Variants in PYCR2 observed in about 807,000 individuals in gnomAD.
The protein encoded by PYCR2 is P5C reductase 2.
Under a neutral mutation model 23.4 loss-of-function variants are expected in PYCR2, and 17 were observed. The observed-to-expected ratio is 0.73, with a 90% CI of 0.50 to 1.09. The LOEUF is 1.09. Ranked by LOEUF, PYCR2 falls within the 50% of genes least tolerant of loss-of-function variation. PYCR2 has a pLI of 0.00. For synonymous variants in PYCR2, 172 were observed against 176.6 expected (o/e 0.97, Z 0.21); for missense variants, 380 against 423.5 (o/e 0.90, Z 0.90).
chr1:225,923,121 G>A, intron 2 of PYCR2: 1 of 800,020 alleles, frequency 1.2e-6, no homozygotes, highest in Non-Finnish European at 1.5e-6. Context: ...CGTCTATTAA[G>A]AAAAATGGCT....
In PYCR2 at chr1:225,921,775, G is replaced by A. The variant is rs1001473368; in HGVS notation, c.540+83C>T. The A allele has an allele frequency of 2.6e-5, 41 of 1,586,530 alleles. No homozygotes were observed. The highest frequency in any genetic ancestry group is 1.9e-4 in the South Asian group (17 of 89,494). ...AGCCAGCTGTGCCCAAGAGGTGGGC[G>A]CCACCCCCAGTCCAAGCCTGCCTGC... On this transcript the variant is annotated intron_variant, in intron 4 of 6. Coordinates refer to ENST00000343818, the MANE Select transcript of PYCR2 (RefSeq NM_013328.4). The surrounding 1 kb of genome is among the most constrained non-coding windows in gnomAD (Gnocchi z 4.2).
Position 225,921,120 on chromosome 1 carries a change from C to G in PYCR2, c.797+88G>C, listed in dbSNP as rs1576146196. ...CAACACTGCTAAATGGGACCCAAGA[C>G]AGCAGGTTCCGCAAATGGTGCTCAA... On this transcript the variant is annotated intron_variant, in intron 6 of 6. Transcript: ENST00000343818. The surrounding 1 kb of genome is among the most constrained non-coding windows in gnomAD (Gnocchi z 4.2). 2 of 1,337,770 alleles carry G rather than the reference C, an allele frequency of 1.5e-6. No individual in the cohort carries two copies. The highest frequency in any genetic ancestry group is 4.6e-5 in the East Asian group (2 of 43,276). The allele number at this position is 1,337,770 out of a possible 1,614,324, so 82.9% of individuals were successfully genotyped here.
At position 225,920,380 on chromosome 1, in the gene PYCR2, C is replaced by A. The variant is rs950301059; in HGVS notation, c.*75G>T. The A allele has an allele frequency of 8.4e-7, 1 of 1,194,928 alleles. No individual in the cohort carries two copies. The highest frequency in any genetic ancestry group is 2.8e-5 in the African/African-American group (1 of 35,908). 74.0% of individuals were successfully genotyped at this position (1,194,928 alleles called of 1,614,324 possible). ...AGCTGAGGAGGGGCAATGGTGGGAG[C>A]GGGGCAGGGGGGTGGCAGGGGCGGC... On this transcript the variant is annotated 3_prime_UTR_variant, in exon 7 of 7. Coordinates refer to ENST00000343818, the MANE Select transcript of PYCR2 (RefSeq NM_013328.4).
Position 225,924,212 on chromosome 1 carries a change from C to A in PYCR2, c.-102G>T. The A allele has an allele frequency of 7.6e-7, 1 of 1,319,064 alleles. No individual in the cohort carries two copies. The highest frequency in any genetic ancestry group is 1.0e-6 in the Non-Finnish European group (1 of 984,450). The allele number at this position is 1,319,064 out of a possible 1,614,324, so 81.7% of individuals were successfully genotyped here. On this transcript the variant is annotated 5_prime_UTR_variant, in exon 1 of 7. Transcript: ENST00000343818. The stretch of plus-strand genomic sequence containing the variant: ...GGACAGCGCAGGGGCGAACGGGCGG[C>A]GTGCCGAGGACCGGCGAGCTAACAG...
In PYCR2 at chr1:225,921,566, C is replaced by A; in HGVS notation, c.619G>T (p.Ala207Ser). Residue 207 changes from alanine (A) to serine (S), a missense_variant, in exon 5 of 7, where the codon GCC becomes TCC. Coordinates refer to ENST00000343818, the MANE Select transcript of PYCR2 (RefSeq NM_013328.4). This position sits in a 1 kb window ranked among gnomAD's most constrained non-coding sequence, Gnocchi z 4.2. The part of the protein sequence containing the change: ...LPRRLAIQLG[A>S]QALLGAAKML... ...AAGATACTGACCAGCAAAGCCTGGG[C>A]CCCGAGTTGGATTGCCAGGCGCCGT... 1.9e-6 allele frequency: 3 copies of A among 1,614,196 alleles called. No individual in the cohort carries two copies.
intron 6 of PYCR2, 54 bp from the exon 7 acceptor site, chr1:225,920,674 A>G: frequency 1.3e-6 from 2 of 1,566,802 alleles, no homozygotes; most frequent in Middle Eastern, 3.4e-4. Flanking sequence ...CTGGGGCCAG[A>G]GCTTTGAGTC....
rs201700928 is a variant in PYCR2, at chr1:225,920,577, C to T, written c.841G>A (p.Ala281Thr). 4 of 1,612,692 alleles carry T rather than the reference C, an allele frequency of 2.5e-6. No individual in the cohort carries two copies. In the East Asian group the frequency reaches 8.9e-5, roughly 36 times the overall value. ...CTGTCTAAGAGGGTCTTCTTAAGGG[C>T]AGCTGGGGAGATCTTTTCTTGGTCG... ...MADQEKISPA[A>T]LKKTLLDRVK... The change falls in exon 7 of 7, where the codon GCC becomes ACC. Residue 281 changes from alanine to threonine, a missense_variant. Ala to Thr is a moderately conservative substitution (Grantham distance 58). Coordinates refer to ENST00000343818, the MANE Select transcript of PYCR2 (RefSeq NM_013328.4).
chr1:225,924,028 G>A lies in PYCR2; in HGVS notation c.67+16C>T. 1 of 1,536,728 alleles carries A rather than the reference G, an allele frequency of 6.5e-7. No homozygotes were observed. Among genetic ancestry groups the A allele is most frequent in the Non-Finnish European group, 8.7e-7 (1 of 1,144,356 alleles). ...GGGACCGCCCGCGAAGCCGCCTCCCGCCTCCACGCGCTTGCCTGCGGCCGT... is the reference window on the plus strand; with the variant it reads ...GGGACCGCCCGCGAAGCCGCCTCCCACCTCCACGCGCTTGCCTGCGGCCGT... On this transcript the variant is annotated intron_variant, in intron 1 of 6. Transcript: ENST00000343818.
At position 225,920,275 on chromosome 1, in the gene PYCR2, G is replaced by A. The variant is rs560344417; in HGVS notation, c.*180C>T. The A allele has an allele frequency of 1.6e-5, 8 of 485,130 alleles. No homozygotes were observed. The highest frequency in any genetic ancestry group is 1.1e-4 in the East Asian group (3 of 27,182). 30.1% of individuals were successfully genotyped at this position (485,130 alleles called of 1,614,324 possible). ...CAACATGGGACAGGAGAGGAAGCTC[G>A]CATTGCTTGGTCTGAACAGATTTAA... On this transcript the variant is annotated 3_prime_UTR_variant, in exon 7 of 7. Transcript: ENST00000343818.
At chr1:225,923,370 C>G (rs561307315) in intron 2 of PYCR2, 2 of 892,880 alleles carry the variant, frequency 2.2e-6, no homozygotes, top group Non-Finnish European at 2.8e-6. Flanking sequence ...CCAGCTTGGG[C>G]GACAGAGTAA....
Position 225,923,681 on chromosome 1 carries a change from C to T in PYCR2, c.138+20G>A. 1 of 1,613,982 alleles carries T rather than the reference C, an allele frequency of 6.2e-7. No individual in the cohort carries two copies. The highest frequency in any genetic ancestry group is 8.5e-7 in the Non-Finnish European group (1 of 1,179,928). On this transcript the variant is annotated intron_variant, in intron 2 of 6. Coordinates refer to ENST00000343818, the MANE Select transcript of PYCR2 (RefSeq NM_013328.4). Reference sequence around the variant, plus strand: ...TTCCTGGGCCTCCACCCGCTTCCCACTCCGCCCGGCTCCACCTACCCTGAG... The same window carrying T: ...TTCCTGGGCCTCCACCCGCTTCCCATTCCGCCCGGCTCCACCTACCCTGAG...
In PYCR2 at chr1:225,921,156, G is replaced by C; in HGVS notation, c.797+52C>G. On this transcript the variant is annotated intron_variant, in intron 6 of 6. Transcript: ENST00000343818. This position sits in a 1 kb window ranked among gnomAD's most constrained non-coding sequence, Gnocchi z 4.2. ...GCAAATGGTGCTCAACCCAGCCCAG[G>C]GACCAACCAGGACTGAAGGGTCTGG... is the stretch of plus-strand genomic sequence containing the variant. 6.5e-7 allele frequency: 1 copy of C among 1,538,778 alleles called. No individual in the cohort carries two copies. The highest frequency in any genetic ancestry group is 8.8e-7 in the Non-Finnish European group (1 of 1,131,138).
rs775099690 is a variant in PYCR2, at chr1:225,920,513, G to A, written c.905C>T (p.Pro302Leu). Residue 302 changes from proline (P) to leucine (L), a missense_variant, in exon 7 of 7, where the codon CCC becomes CTC. By Grantham distance (98) the Pro-to-Leu change is moderately conservative. Transcript: ENST00000343818. ...LESPTVSTLT[P>L]SSPGKLLTRS... ...TGTGAGGAGCTTCCCTGGGCTGGAG[G>A]GGGTCAGTGTGGAGACTGTGGGGGA... 1 of 1,539,916 alleles carries A rather than the reference G, an allele frequency of 6.5e-7. No homozygotes were observed. Among genetic ancestry groups the A allele is most frequent in the South Asian group, 1.1e-5 (1 of 87,388 alleles).
At position 225,923,724 on chromosome 1, in the gene PYCR2, G is replaced by T. The variant is rs146858362; in HGVS notation, c.115C>A (p.Leu39Met). 1.9e-5 allele frequency: 31 copies of T among 1,614,066 alleles called. No individual in the cohort carries two copies. The highest frequency in any genetic ancestry group is 2.5e-5 in the Non-Finnish European group (29 of 1,180,026). ...KIIASSPEMN[L>M]PTVSALRKMG... ...ACCCTGAGCGCGGACACCGTGGGCA[G>T]GTTCATTTCTGGGGAGCTGGCTATT... The change falls in exon 2 of 7, where the codon CTG becomes ATG. Residue 39 changes from leucine to methionine, a missense_variant. Leu to Met is a conservative substitution (Grantham distance 15). Coordinates refer to ENST00000343818, the MANE Select transcript of PYCR2 (RefSeq NM_013328.4).
chr1:225,922,478 C>A lies in PYCR2; in HGVS notation c.139-95G>T, dbSNP rs1183172300. ...CTGAACCCCTGCCAAACCGATTCTG[C>A]CAGATGCAGCCTGGAATTCTTAGCT... On this transcript the variant is annotated intron_variant, in intron 2 of 6. Coordinates refer to ENST00000343818, the MANE Select transcript of PYCR2 (RefSeq NM_013328.4). 10 of 1,308,238 alleles carry A rather than the reference C, an allele frequency of 7.6e-6. No individual in the cohort carries two copies. The Admixed American group carries it at 2.1e-4, about 27-fold the overall frequency. 81.0% of individuals were successfully genotyped at this position (1,308,238 alleles called of 1,614,324 possible).
At chr1:225,923,977 G>A (rs997371820) in intron 1 of PYCR2, 67 bp downstream of exon 1, 3 of 1,519,428 alleles carry the variant, frequency 2.0e-6, no homozygotes, top group Non-Finnish European at 2.6e-6. Context: ...GCTCATGCTG[G>A]TGGGACGGAG....
intron 2 of PYCR2, chr1:225,922,768 C>G (rs141144947): frequency 4.4e-6 from 1 of 227,094 alleles, no homozygotes. Flanking sequence ...TAACCCTGGC[C>G]GCTTGTTCGT....
chr1:225,923,873 C>T (rs950247260), intron 1 of PYCR2, 102 bp from the exon 2 acceptor site: 31 of 1,539,498 alleles, frequency 2.0e-5, no homozygotes, highest in Admixed American at 7.6e-5. Flanking sequence ...GCCAGTCTCC[C>T]TCTCCCCCTC....
rs372781135 is a variant in PYCR2, at chr1:225,922,043, G to C, written c.355C>G (p.Arg119Gly). The change falls in exon 4 of 7, where the codon CGC (arginine) becomes GGC (glycine). Residue 119 changes from arginine to glycine, a missense_variant. Arg to Gly is a moderately radical substitution (Grantham distance 125). Coordinates refer to ENST00000343818, the MANE Select transcript of PYCR2 (RefSeq NM_013328.4). ...ACCACAGGTGTGTTGGTCATGCAGC[G>C]AATCACTTTGGGGGCTGGCTGGAAT... ...MAFQPAPKVI[R>G]CMTNTPVVVQ... 1 of 1,614,148 alleles carries C rather than the reference G, an allele frequency of 6.2e-7. No individual in the cohort carries two copies. Among genetic ancestry groups the C allele is most frequent in the Non-Finnish European group, 8.5e-7 (1 of 1,180,016 alleles).
Sources: allele counts gnomAD v4.1 joint callset, GRCh38; gene constraint gnomAD v4.1.1; non-coding constraint Gnocchi (gnomAD v3.1); transcripts MANE v1.5; gene names NCBI Gene and HGNC (gene_info 2026-07-23, HGNC 2026-07-21).